Variants in COL4A4 observed in about 807,000 individuals in gnomAD.
COL4A4 encodes collagen alpha-4(IV) chain.
COL4A4 carries 105 observed loss-of-function variants against 192.9 expected under a neutral mutation model. The ratio of observed to expected loss-of-function variants is 0.54; its 90% confidence interval spans 0.46 to 0.64. The LOEUF (loss-of-function observed/expected upper bound fraction) is 0.64, where lower values mean the gene tolerates loss of function less well. Among genes scored for constraint, COL4A4 ranks in the 30% least tolerant of loss-of-function variants. COL4A4 has a pLI of 0.00. For synonymous variants in COL4A4, 762 were observed against 769.9 expected (o/e 0.99, Z 0.17); for missense variants, 1,967 against 2,169.3 (o/e 0.91, Z 1.85).
At chr2:227,132,237 CT>C (rs1316689276) in intron 4 of COL4A4, among the ~76,000 whole-genome samples, 1 of 152,130 alleles carries the variant, frequency 6.6e-6, no homozygotes, top group African/African-American at 2.4e-5. Context: ...CATCTTTTCC[CT>C]GATGTGACTT....
intron 19 of COL4A4, among the ~76,000 whole-genome samples, chr2:227,095,748 A>G (rs1351203712): frequency 6.6e-6 from 1 of 152,122 alleles, no homozygotes; most frequent in Non-Finnish European, 1.5e-5. Context: ...TACAAAAATT[A>G]CCTGGGCATG....
At chr2:227,130,390 C>T (rs978994307) in intron 4 of COL4A4, among the ~76,000 whole-genome samples, 3 of 152,210 alleles carry the variant, frequency 2.0e-5, no homozygotes, top group Non-Finnish European at 4.4e-5. Flanking sequence ...ATGGCATCTG[C>T]GTCTTCTGCG....
rs532214231 is a variant in COL4A4 at position 227,013,930 on chromosome 2, C to T, written c.4217-1633G>A. On this transcript the variant is annotated intron_variant, in intron 44 of 47. Transcript: ENST00000396625. ...CATTAAATGAGTGTGTTAACACAGA[C>T]GCTGACCGAAACCCTCTACCCTTAA... Among the ~76,000 whole-genome samples the T allele has an allele frequency of 3.7e-4, 56 of 152,120 alleles. 1 individual carries two copies. In the East Asian group the frequency reaches 3.7e-3, roughly 10 times the overall value.
intron 33 of COL4A4, 23 bp downstream of exon 33, chr2:227,050,954 C>T (rs573775220): frequency 6.2e-7 from 1 of 1,614,076 alleles, no homozygotes; most frequent in Admixed American, 1.7e-5. Context: ...TGTCTCTTCC[C>T]CCACAAAGCA....
At position 227,041,767 on chromosome 2, in the gene COL4A4, GAAGGAAGGAAGGAAGGAAGGGAAA is replaced by G. The variant is rs1180231034; in HGVS notation, c.3505+357_3505+380del. On this transcript the variant is annotated intron_variant, in intron 37 of 47. Transcript: ENST00000396625. ...GGAAGGAAGGAAGGAAGGAAGGAAG[GAAGGAAGGAAGGAAGGAAGGGAAA>G]GAAAGAAAGAAAGGAAGAAAGAAAG... 4.2e-4 allele frequency among the ~76,000 whole-genome samples: 48 copies of G among 114,570 alleles called. 3 individuals carry two copies. The East Asian group carries it at 9.7e-3, about 23-fold the overall frequency. 75.2% of individuals were successfully genotyped at this position (114,570 alleles called of 152,430 possible). A position where few individuals can be genotyped will look rare whatever the true frequency, so the allele number is the denominator to read the frequency against.
chr2:227,047,661 G>A, intron 34 of COL4A4, 112 bp from the exon 35 acceptor site: 4 of 720,364 alleles, frequency 5.6e-6, no homozygotes, highest in Non-Finnish European at 9.8e-6. Flanking sequence ...TATTTTAGGA[G>A]AGTGTTTTTA....
At chr2:226,984,591 C>T in the COL4A4 span, among the ~76,000 whole-genome samples, 1 of 152,182 alleles carries the variant, frequency 6.6e-6, no homozygotes, top group Admixed American at 6.5e-5. Context: ...TCCATGACAG[C>T]CTTCGTGACC....
intron 2 of COL4A4, among the ~76,000 whole-genome samples, chr2:227,146,875 C>T (rs1213253348): frequency 1.3e-5 from 2 of 152,180 alleles, no homozygotes; most frequent in Admixed American, 6.5e-5. Context: ...TCCAAGGATG[C>T]TTGTCATTAT....
At chr2:226,995,621 C>A in the COL4A4 span, 1 of 828,314 alleles carries the variant, frequency 1.2e-6, no homozygotes, top group Non-Finnish European at 2.0e-6. Flanking sequence ...TAAACAAAAG[C>A]AGAGTACACC....
chr2:227,033,618 T>C (rs1244911267), intron 37 of COL4A4, 137 bp from the exon 38 acceptor site: 1 of 730,588 alleles, frequency 1.4e-6, no homozygotes, highest in Non-Finnish European at 2.4e-6. Flanking sequence ...GACTTCATCA[T>C]CAGGGTGGAA....
chr2:227,045,973 G>GTATATATATA (rs1329986732), intron 35 of COL4A4, among the ~76,000 whole-genome samples: 1 of 41,640 alleles, frequency 2.4e-5, no homozygotes, highest in African/African-American at 1.1e-4. Flanking sequence ...ATATTTATAT[G>GTATATATATA]TGTATATGTA....
rs2060334293 is a variant in COL4A4, at chr2:227,098,629, C to T, written c.1204+65G>A. 10 of 1,212,424 alleles carry T rather than the reference C, an allele frequency of 8.2e-6. No individual in the cohort carries two copies. The East Asian group carries it at 2.3e-4, about 28-fold the overall frequency. 75.1% of individuals were successfully genotyped at this position (1,212,424 alleles called of 1,614,324 possible). A position where few individuals can be genotyped will look rare whatever the true frequency, so the allele number is the denominator to read the frequency against. On this transcript the variant is annotated intron_variant, in intron 19 of 47. Coordinates refer to ENST00000396625, the MANE Select transcript of COL4A4 (RefSeq NM_000092.5). ...CAATATCAGCTACAGTTGAAAGCTA[C>T]TGGTGCTGATGATGATGCAGGAAAT... is the stretch of plus-strand genomic sequence containing the variant.
chr2:227,010,257 A>C (rs1963348133), intron 46 of COL4A4, 56 bp downstream of exon 46: 1 of 1,593,628 alleles, frequency 6.3e-7, no homozygotes, highest in African/African-American at 1.3e-5. Context: ...AATCAGTAAA[A>C]TTAACCCCAA....
At position 227,023,441 on chromosome 2, in the gene COL4A4, CAAAAAAA is replaced by C. The variant is rs60646267; in HGVS notation, c.4091-1275_4091-1269del. 1.6e-4 allele frequency among the ~76,000 whole-genome samples: 20 copies of C among 124,322 alleles called. No individual in the cohort carries two copies. The East Asian group carries it at 3.5e-3, about 22-fold the overall frequency. 81.6% of individuals were successfully genotyped at this position (124,322 alleles called of 152,430 possible). On this transcript the variant is annotated intron_variant, in intron 43 of 47. Coordinates refer to ENST00000396625, the MANE Select transcript of COL4A4 (RefSeq NM_000092.5). ...TGGGTGACAGAGCAAGATTCCATCT[CAAAAAAA>C]AAAAAAAGAAAAAAGAAAACCACTA... is the stretch of plus-strand genomic sequence containing the variant.
chr2:226,995,378 C>T, the COL4A4 span: 6 of 1,125,836 alleles, frequency 5.3e-6, no homozygotes, highest in African/African-American at 4.6e-5. Flanking sequence ...CTAGGGTACA[C>T]ATGCCTTGTC....
rs2150182826 is a variant in COL4A4 at position 227,051,124 on chromosome 2, T to C, written c.3003A>G (p.Arg1001=). ...GTGGTCCGTATCTTCCCGGCTCTCC[T>C]CTTCTCCCTTGCATCCCGGGAGTTC... The part of the protein sequence containing the change: ...DKGTPGMQGR[R]GEPGRYGPPG... The change falls in exon 33 of 48, where the codon AGA becomes AGG. Residue 1001 remains arginine, a synonymous_variant. Transcript: ENST00000396625. 6.8e-6 allele frequency: 11 copies of C among 1,614,108 alleles called. No individual in the cohort carries two copies. Among genetic ancestry groups the C allele is most frequent in the Non-Finnish European group, 8.5e-6 (10 of 1,179,994 alleles).
Position 227,104,638 on chromosome 2 carries a change from C to CTT in COL4A4, c.736-588_736-587dup, listed in dbSNP as rs373008018. 4.4e-3 allele frequency among the ~76,000 whole-genome samples: 486 copies of CTT among 110,278 alleles called. 3 individuals carry two copies. The highest frequency in any genetic ancestry group is 0.034 in the Middle Eastern group (6 of 176). The allele number at this position is 110,278 out of a possible 152,430, so 72.3% of individuals were successfully genotyped here. The stretch of plus-strand genomic sequence containing the variant: ...TATCCAGAAGTAATCTCTATTAAAA[C>CTT]TTTTTTTTTTTTTTTTTTTGAGATG... On this transcript the variant is annotated intron_variant, in intron 12 of 47. Coordinates refer to ENST00000396625, the MANE Select transcript of COL4A4 (RefSeq NM_000092.5).
At chr2:227,109,474 C>T (rs768197508) in intron 9 of COL4A4, 188 bp from the exon 10 acceptor site, 21 of 704,512 alleles carry the variant, frequency 3.0e-5, no homozygotes, top group African/African-American at 5.2e-5. Flanking sequence ...GCAGTCCGGG[C>T]ACGGTGGTTC....
chr2:227,032,553 G>A (rs1022426536), intron 38 of COL4A4, among the ~76,000 whole-genome samples: 2 of 152,194 alleles, frequency 1.3e-5, no homozygotes, highest in African/African-American at 2.4e-5. Flanking sequence ...ACAATGGAGA[G>A]AGTAAAAACA....
Sources: gnomAD v4.1 joint callset for allele counts (sites outside exome capture counted in the v4.1 genomes callset) on GRCh38, gnomAD v4.1.1 for gene constraint, MANE v1.5 for transcripts, NCBI Gene and HGNC (gene_info 2026-07-23, HGNC 2026-07-21) for gene names.